The following REXO1 variants were observed in gnomAD, a reference collection of about 807,000 sequenced individuals.
The protein encoded by REXO1 is REX1, RNA exonuclease 1 homolog.
Under a neutral mutation model 102.6 loss-of-function variants are expected in REXO1, and 42 were observed. The ratio of observed to expected loss-of-function variants is 0.41; its 90% CI spans 0.32 to 0.53. The LOEUF (loss-of-function observed/expected upper bound fraction) is 0.53, where lower values mean the gene tolerates loss of function less well. Ranked by LOEUF, REXO1 falls within the 20% of genes least tolerant of loss-of-function variation. The pLI is 0.27. For missense variants in REXO1, 1,819 were observed against 1,732.5 expected, an observed-to-expected ratio of 1.05 and a Z score of -0.89; for synonymous variants, 908 against 779.1, an observed-to-expected ratio of 1.17 and a Z score of -2.76.
At chr19:1,828,727 G>T in intron 1 of REXO1, 96 bp from the exon 2 acceptor site, 1 of 1,405,002 alleles carries the variant, frequency 7.1e-7, no homozygotes, top group Non-Finnish European at 9.4e-7. Context: ...GAAGGGAAGA[G>T]ACCTGCCTCC....
rs1469299410 is a variant in REXO1 at position 1,828,351 on chromosome 19, T to C, written c.438A>G (p.Pro146=). Reference sequence around the variant, plus strand: ...TGCCGGGGCTGTAGTCGAAGGCCAGTGGGAAGGCATCCTCGTCCGGGCCCA... The same window carrying C: ...TGCCGGGGCTGTAGTCGAAGGCCAGCGGGAAGGCATCCTCGTCCGGGCCCA... The part of the protein sequence containing the change: ...PTVGPDEDAF[P]LAFDYSPGSH... The change falls in exon 2 of 16, where the codon CCA becomes CCG. Residue 146 remains proline (P), a synonymous_variant. Transcript: ENST00000170168. The C allele has an allele frequency of 3.7e-6, 6 of 1,609,774 alleles. No homozygotes were observed.
At position 1,827,618 on chromosome 19, in the gene REXO1, C is replaced by T. The variant is rs765917881; in HGVS notation, c.1171G>A (p.Asp391Asn). ...TGAPPAPSCK[D>N]GAQGKDKTKD... ...GTCTTGTCCTTCCCCTGGGCCCCGT[C>T]TTTGCAGCTGGGGGCAGGTGGGGCC... Residue 391 changes from aspartate (D) to asparagine (N), a missense_variant, in exon 2 of 16, where the codon GAC becomes AAC. Physicochemically the swap from Asp to Asn is conservative, Grantham distance 23. Coordinates refer to ENST00000170168, the MANE Select transcript of REXO1 (RefSeq NM_020695.4). The T allele has an allele frequency of 1.3e-6, 2 of 1,578,666 alleles. 1 individual carries two copies. The highest frequency in any genetic ancestry group is 2.3e-5 in the South Asian group (2 of 86,198).
Position 1,815,636 on chromosome 19 carries a change from TTAAAAA to T in REXO1, c.*424_*429del, listed in dbSNP as rs1477103194. 8.7e-7 allele frequency: 1 copy of T among 1,145,522 alleles called. No individual in the cohort carries two copies. Among genetic ancestry groups the T allele is most frequent in the African/African-American group, 1.6e-5 (1 of 62,096 alleles). 71.0% of individuals were successfully genotyped at this position (1,145,522 alleles called of 1,614,324 possible). On this transcript the variant is annotated 3_prime_UTR_variant, in exon 16 of 16. Transcript: ENST00000170168. This position sits in a 1 kb window ranked among gnomAD's most constrained non-coding sequence, Gnocchi z 4.0. The stretch of plus-strand genomic sequence containing the variant: ...TGCTGTGCAAGTCATCAGGTTTAAA[TTAAAAA>T]TAATAAAAATAACAATACAAAATAA...
At chr19:1,835,239 G>T (rs116777710) in intron 1 of REXO1, among the ~76,000 whole-genome samples, 1 of 152,224 alleles carries the variant, frequency 6.6e-6, no homozygotes, top group African/African-American at 2.4e-5. Context: ...CACCCAGGGG[G>T]TCACATCTAA....
intron 1 of REXO1, among the ~76,000 whole-genome samples, chr19:1,832,229 G>C (rs994423435): frequency 5.3e-5 from 8 of 152,196 alleles, no homozygotes; most frequent in African/African-American, 1.4e-4. Flanking sequence ...GGCGGGCACT[G>C]ACTCTCCCCG....
chr19:1,831,845 C>CAAAAAAAAAAAA (rs745676775), intron 1 of REXO1, among the ~76,000 whole-genome samples: 2 of 51,320 alleles, frequency 3.9e-5, no homozygotes, highest in African/African-American at 6.9e-5. Context: ...AACTCCATCT[C>CAAAAAAAAAAAA]AAAAAAAAAA....
Position 1,823,737 on chromosome 19 carries a change from TCGGGGGCCGGGC to T in REXO1, c.2053_2064del (p.Ala685_Pro688del). On this transcript the variant is annotated inframe_deletion, in exon 4 of 16. Coordinates refer to ENST00000170168, the MANE Select transcript of REXO1 (RefSeq NM_020695.4). ...CGCAGGTAGCACACCTCCTGCGCCGTCGGGGGCCGGGCCGGGGGCACCGCGGGACCCCTCCTC... is the reference window on the plus strand; with the variant it reads ...CGCAGGTAGCACACCTCCTGCGCCGTCGGGGGCACCGCGGGACCCCTCCTC... The T allele has an allele frequency of 7.9e-7, 1 of 1,264,262 alleles. No individual in the cohort carries two copies. The highest frequency in any genetic ancestry group is 1.0e-6 in the Non-Finnish European group (1 of 998,382). The allele number at this position is 1,264,262 out of a possible 1,614,324, so 78.3% of individuals were successfully genotyped here.
At chr19:1,833,210 G>A (rs2069952166) in intron 1 of REXO1, among the ~76,000 whole-genome samples, 1 of 152,198 alleles carries the variant, frequency 6.6e-6, no homozygotes, top group African/African-American at 2.4e-5. Context: ...GGGCAACAGA[G>A]CAAGATCCTG....
At chr19:1,837,132 G>C (rs1193638696) in intron 1 of REXO1, among the ~76,000 whole-genome samples, 1 of 152,262 alleles carries the variant, frequency 6.6e-6, no homozygotes, top group East Asian at 1.9e-4. Flanking sequence ...GCGCAAGGCA[G>C]GGGCTGGTTG....
chr19:1,820,187 G>T (rs1196554242), intron 6 of REXO1, 77 bp downstream of exon 6: 2 of 1,563,094 alleles, frequency 1.3e-6, no homozygotes, highest in African/African-American at 2.8e-5. Flanking sequence ...GCGGCTGAGA[G>T]GCCGGGGGAT....
intron 1 of REXO1, among the ~76,000 whole-genome samples, chr19:1,835,590 G>T (rs1316562952): frequency 6.6e-6 from 1 of 152,116 alleles, no homozygotes. Flanking sequence ...ATAAATGAAT[G>T]CCGACTCTGG....
In REXO1 at chr19:1,827,984, T is replaced by A. The variant is rs531311132; in HGVS notation, c.805A>T (p.Thr269Ser). 1.9e-6 allele frequency: 3 copies of A among 1,613,500 alleles called. No individual in the cohort carries two copies. The highest frequency in any genetic ancestry group is 1.7e-5 in the Admixed American group (1 of 60,012). Residue 269 changes from threonine (T) to serine (S), a missense_variant, in exon 2 of 16, where the codon ACA (threonine) becomes TCA (serine). Coordinates refer to ENST00000170168, the MANE Select transcript of REXO1 (RefSeq NM_020695.4). Reference sequence around the variant, plus strand: ...TCACAGAGCTTCTTGGGAGCAGGTGTGTAGGGCTCACTGCCGCGGGAGCCC... The same window carrying A: ...TCACAGAGCTTCTTGGGAGCAGGTGAGTAGGGCTCACTGCCGCGGGAGCCC... ...PRGSRGSEPY[T>S]PAPKKLCDPF...
intron 1 of REXO1, among the ~76,000 whole-genome samples, chr19:1,844,701 C>A (rs184268704): frequency 2.3e-4 from 35 of 152,352 alleles, no homozygotes; most frequent in Admixed American, 2.1e-3. Context: ...GCTGCCAGAT[C>A]CTGAACCCGA....
Position 1,826,732 on chromosome 19 carries a change from T to A in REXO1, c.1911+146A>T. The A allele has an allele frequency of 7.3e-7, 1 of 1,374,206 alleles. No homozygotes were observed. The highest frequency in any genetic ancestry group is 1.5e-5 in the African/African-American group (1 of 67,724). The allele number at this position is 1,374,206 out of a possible 1,614,324, so 85.1% of individuals were successfully genotyped here. A position where few individuals can be genotyped will look rare whatever the true frequency, so the allele number is the denominator to read the frequency against. On this transcript the variant is annotated intron_variant, in intron 2 of 15. Coordinates refer to ENST00000170168, the MANE Select transcript of REXO1 (RefSeq NM_020695.4). This position sits in a 1 kb window ranked among gnomAD's most constrained non-coding sequence, Gnocchi z 4.3. Reference sequence around the variant, plus strand: ...CCGGGTGCTCCTGAGCTCCTGAGATTTCAACGGGCTCAGGGACCAGCACTG... The same window carrying A: ...CCGGGTGCTCCTGAGCTCCTGAGATATCAACGGGCTCAGGGACCAGCACTG...
intron 1 of REXO1, among the ~76,000 whole-genome samples, chr19:1,841,694 C>T (rs1397022150): frequency 5.3e-5 from 8 of 152,174 alleles, no homozygotes; most frequent in Admixed American, 5.2e-4. Context: ...CTGGAGGAGA[C>T]GGTAAAGCTG....
In REXO1 at chr19:1,821,619, G is replaced by A. The variant is rs771074714; in HGVS notation, c.2294C>T (p.Pro765Leu). The A allele has an allele frequency of 7.4e-6, 12 of 1,613,732 alleles. No individual in the cohort carries two copies. Among genetic ancestry groups the A allele is most frequent in the Non-Finnish European group, 9.3e-6 (11 of 1,179,894 alleles). ...SGSQSSNGPEPGGQQLKTRTL... is the reference protein window; with the variant it reads ...SGSQSSNGPELGGQQLKTRTL... Reference sequence around the variant, plus strand: ...GCGTGTTTTCAGCTGCTGGCCACCTGGCTCAGGGCCGTTGGAGGACTGGCT... The same window carrying A: ...GCGTGTTTTCAGCTGCTGGCCACCTAGCTCAGGGCCGTTGGAGGACTGGCT... The change falls in exon 5 of 16, where the codon CCA becomes CTA. Residue 765 changes from proline to leucine, a missense_variant. Physicochemically the swap from Pro to Leu is moderately conservative, Grantham distance 98 (BLOSUM62 -3). Coordinates refer to ENST00000170168, the MANE Select transcript of REXO1 (RefSeq NM_020695.4).
At position 1,817,505 on chromosome 19, in the gene REXO1, G is replaced by A. The variant is rs1480563086; in HGVS notation, c.3091-176C>T. The stretch of plus-strand genomic sequence containing the variant: ...GGGCTTGCCAAGAAGACACAGGGAG[G>A]ACGGCTTCCCAGGATGGGAAGTGGC... On this transcript the variant is annotated intron_variant, in intron 11 of 15. Coordinates refer to ENST00000170168, the MANE Select transcript of REXO1 (RefSeq NM_020695.4). The A allele has an allele frequency of 4.8e-6, 7 of 1,466,392 alleles. No homozygotes were observed. The Admixed American group carries it at 1.4e-4, about 30-fold the overall frequency. The allele number at this position is 1,466,392 out of a possible 1,614,324, so 90.8% of individuals were successfully genotyped here.
At chr19:1,843,721 C>T (rs905790442) in intron 1 of REXO1, among the ~76,000 whole-genome samples, 1 of 152,242 alleles carries the variant, frequency 6.6e-6, no homozygotes, top group African/African-American at 2.4e-5. Flanking sequence ...TTCCTGGACG[C>T]GGCTCACTGA....
chr19:1,838,471 A>G (rs1179982828), intron 1 of REXO1, among the ~76,000 whole-genome samples: 2 of 151,160 alleles, frequency 1.3e-5, no homozygotes, highest in Non-Finnish European at 2.9e-5. Flanking sequence ...AAAATACAAA[A>G]TTAGCCAGCT....
Sources: gnomAD v4.1 joint callset for allele counts (sites outside exome capture counted in the v4.1 genomes callset) on GRCh38, gnomAD v4.1.1 for gene constraint, Gnocchi (gnomAD v3.1) non-coding constraint, MANE v1.5 for transcripts, NCBI Gene and HGNC (gene_info 2026-07-23, HGNC 2026-07-21) for gene names.